Variants in GOLGA3 observed in about 807,000 individuals in gnomAD.
GOLGA3 encodes golgin A3.
In GOLGA3, 75 loss-of-function variants were observed where a neutral mutation model predicts 169.4. The ratio of observed to expected loss-of-function variants is 0.44; its 90% CI spans 0.37 to 0.54. GOLGA3 has a LOEUF of 0.54. Among genes scored for constraint, GOLGA3 ranks in the 20% least tolerant of loss-of-function variants. GOLGA3 has a pLI of 0.00. For missense variants in GOLGA3, 1,899 were observed against 1,930.0 expected (o/e 0.98, Z 0.30); for synonymous variants, 824 against 822.4 (o/e 1.00, Z -0.03).
rs1593218352 is a variant in GOLGA3, at chr12:132,774,470, C to T, written c.4144-150G>A. The T allele has an allele frequency of 6.7e-6, 5 of 749,802 alleles. No individual in the cohort carries two copies. In the South Asian group the frequency reaches 8.5e-5, roughly 13 times the overall value. 46.4% of individuals were successfully genotyped at this position (749,802 alleles called of 1,614,324 possible). ...TCCTGGCCGCCGTGGCAGCCCAGCA[C>T]GACAGTCCCCGGAGCTCCAGAATAG... is the stretch of plus-strand genomic sequence containing the variant. On this transcript the variant is annotated intron_variant, in intron 22 of 23. Coordinates refer to ENST00000450791, the MANE Select transcript of GOLGA3 (RefSeq NM_001389683.1).
chr12:132,780,677 G>A, intron 18 of GOLGA3, 121 bp downstream of exon 18: 1 of 698,620 alleles, frequency 1.4e-6, no homozygotes, highest in Non-Finnish European at 2.5e-6. Flanking sequence ...ACCAACAACT[G>A]CAACACACCT....
chr12:132,782,557 A>G (rs893408376), intron 16 of GOLGA3, 64 bp from the exon 17 acceptor site: 3 of 1,298,262 alleles, frequency 2.3e-6, no homozygotes, highest in African/African-American at 2.9e-5. Context: ...CATACCCCAG[A>G]AACAGGTGAG....
In GOLGA3 at chr12:132,777,826, T is replaced by C. The variant is rs758577107; in HGVS notation, c.3583-21A>G. On this transcript the variant is annotated intron_variant, in intron 18 of 23. Transcript: ENST00000450791. This position sits in a 1 kb window ranked among gnomAD's most constrained non-coding sequence, Gnocchi z 4.7. ...GCCACCTAGGAGGAAGGAAGCCACG[T>C]TGTCCATGCCCTGCGTGACACCCAC... is the stretch of plus-strand genomic sequence containing the variant. 13 of 1,612,618 alleles carry C rather than the reference T, an allele frequency of 8.1e-6. No individual in the cohort carries two copies. The highest frequency in any genetic ancestry group is 1.1e-5 in the Non-Finnish European group (13 of 1,179,546).
Position 132,780,854 on chromosome 12 carries a change from C to A in GOLGA3, c.3526G>T (p.Ala1176Ser), listed in dbSNP as rs143533125. The A allele has an allele frequency of 4.8e-5, 78 of 1,612,500 alleles. No homozygotes were observed. Among genetic ancestry groups the A allele is most frequent in the African/African-American group, 3.5e-4 (26 of 75,066 alleles). The change falls in exon 18 of 24, where the codon GCC (alanine) becomes TCC (serine). Residue 1176 changes from alanine to serine, a missense_variant. Coordinates refer to ENST00000450791, the MANE Select transcript of GOLGA3 (RefSeq NM_001389683.1). Reference protein sequence around the residue: ...EDRQMKHLVQALQASLEKEKE... With the variant: ...EDRQMKHLVQSLQASLEKEKE... ...TCCTTCTCTAGTGAGGCCTGCAGGG[C>A]CTGGACAAGATGCTTCATCTGGCGA...
Position 132,804,781 on chromosome 12 carries a change from T to C in GOLGA3, c.1532A>G (p.Gln511Arg), listed in dbSNP as rs1191827785. ...SNNDLQVAEE[Q>R]YQRLMAKVED... Reference sequence around the variant, plus strand: ...TACCTTGGCCATAAGCCTCTGGTACTGCTCCTCGGCCACCTGCAAGTCGTT... The same window carrying C: ...TACCTTGGCCATAAGCCTCTGGTACCGCTCCTCGGCCACCTGCAAGTCGTT... Residue 511 changes from glutamine (Q) to arginine (R), a missense_variant, in exon 7 of 24, where the codon CAG (glutamine) becomes CGG (arginine). Coordinates refer to ENST00000450791, the MANE Select transcript of GOLGA3 (RefSeq NM_001389683.1). This position sits in a 1 kb window ranked among gnomAD's most constrained non-coding sequence, Gnocchi z 4.1. 1 of 1,614,248 alleles carries C rather than the reference T, an allele frequency of 6.2e-7. No individual in the cohort carries two copies. The highest frequency in any genetic ancestry group is 8.5e-7 in the Non-Finnish European group (1 of 1,180,036).
At chr12:132,779,347 G>T (rs1485982114) in intron 18 of GOLGA3, among the ~76,000 whole-genome samples, 1 of 152,130 alleles carries the variant, frequency 6.6e-6, no homozygotes, top group Non-Finnish European at 1.5e-5. Context: ...CCAAAGTGCT[G>T]GGATTACAGG....
At chr12:132,794,764 A>G (rs528022121) in intron 11 of GOLGA3, among the ~76,000 whole-genome samples, 1 of 152,312 alleles carries the variant, frequency 6.6e-6, no homozygotes. Flanking sequence ...AACACTGTAA[A>G]CAGTAATGAC....
In GOLGA3 at chr12:132,805,196, G is replaced by A. The variant is rs535915442; in HGVS notation, c.1291-174C>T. 6.7e-5 allele frequency among the ~76,000 whole-genome samples: 9 copies of A among 135,012 alleles called. No individual in the cohort carries two copies. The East Asian group carries it at 2.1e-3, about 31-fold the overall frequency. The allele number at this position is 135,012 out of a possible 152,430, so 88.6% of individuals were successfully genotyped here. On this transcript the variant is annotated intron_variant, in intron 6 of 23. Coordinates refer to ENST00000450791, the MANE Select transcript of GOLGA3 (RefSeq NM_001389683.1). ...CCAAGACCCCCAGGCGCTCTCCCAA[G>A]GCCTGACAGGGGACCCCAAGACCCC...
chr12:132,802,384 T>TG (rs1392698423), intron 7 of GOLGA3, among the ~76,000 whole-genome samples: 1 of 21,396 alleles, frequency 4.7e-5, no homozygotes, highest in East Asian at 1.3e-3. Context: ...GCAGGGGGCA[T>TG]GGGGGGTGCA....
In GOLGA3 at chr12:132,772,654, A is replaced by C. The variant is rs1219488855; in HGVS notation, c.*451T>G. ...AAAACAAGTAAAAAGCCAAAGGTAC[A>C]GATAAAATTTCATTTCTGCGGAAAA... On this transcript the variant is annotated 3_prime_UTR_variant, in exon 24 of 24. Coordinates refer to ENST00000450791, the MANE Select transcript of GOLGA3 (RefSeq NM_001389683.1). 6.5e-6 allele frequency: 1 copy of C among 154,556 alleles called. No individual in the cohort carries two copies. The highest frequency in any genetic ancestry group is 1.9e-4 in the East Asian group (1 of 5,266). 9.6% of individuals were successfully genotyped at this position (154,556 alleles called of 1,614,324 possible).
At position 132,807,469 on chromosome 12, in the gene GOLGA3, T is replaced by G. The variant is rs117090298; in HGVS notation, c.1179-181A>C. 2.6e-5 allele frequency among the ~76,000 whole-genome samples: 4 copies of G among 152,314 alleles called. No homozygotes were observed. In the East Asian group the frequency reaches 7.7e-4, roughly 29 times the overall value. ...CACGGATGAACATTCCTGCCAACAG[T>G]TGGCACCTCACGCAGTGGGAACTGT... On this transcript the variant is annotated intron_variant, in intron 5 of 23. Transcript: ENST00000450791.
At position 132,772,558 on chromosome 12, in the gene GOLGA3, A is replaced by C. The variant is rs937109353; in HGVS notation, c.*547T>G. On this transcript the variant is annotated 3_prime_UTR_variant, in exon 24 of 24. Coordinates refer to ENST00000450791, the MANE Select transcript of GOLGA3 (RefSeq NM_001389683.1). ...GACTCTGTCTCAAAAAAAAAAAAAAAAAAAAAACAAAGATTGGATTATGAT... is the reference window on the plus strand; with the variant it reads ...GACTCTGTCTCAAAAAAAAAAAAAACAAAAAAACAAAGATTGGATTATGAT... 6.6e-6 allele frequency: 1 copy of C among 151,874 alleles called. No homozygotes were observed. Among genetic ancestry groups the C allele is most frequent in the East Asian group, 1.9e-4 (1 of 5,200 alleles). The allele number at this position is 151,874 out of a possible 1,614,324, so 9.4% of individuals were successfully genotyped here. A position where few individuals can be genotyped will look rare whatever the true frequency, so the allele number is the denominator to read the frequency against.
intron 5 of GOLGA3, among the ~76,000 whole-genome samples, chr12:132,807,506 G>A (rs550446783): frequency 6.6e-6 from 1 of 152,346 alleles, no homozygotes; most frequent in South Asian, 2.1e-4. Context: ...ACAGAAACAT[G>A]AGACATGCAA....
At chr12:132,825,951 G>A in intron 1 of GOLGA3, 2 of 951,026 alleles carry the variant, frequency 2.1e-6, no homozygotes, top group South Asian at 1.3e-5. Context: ...AAGACGCAGA[G>A]GACCACTGTC....
In GOLGA3 at chr12:132,804,442, C is replaced by T. The variant is rs10732710; in HGVS notation, c.1597+274G>A. Among the ~76,000 whole-genome samples, 105,563 of 152,106 alleles carry T rather than the reference C, an allele frequency of 0.69. 36,933 individuals carry two copies. The highest frequency in any genetic ancestry group is 0.8 in the East Asian group (4,149 of 5,176). On this transcript the variant is annotated intron_variant, in intron 7 of 23. Transcript: ENST00000450791. The surrounding 1 kb of genome is among the most constrained non-coding windows in gnomAD (Gnocchi z 4.1). ...GAAAAGCAGCCTCCTTATGTGTAAA[C>T]TATAAACCAATGCAACCCTCACAGG...
chr12:132,788,038 C>T (rs894023097), intron 13 of GOLGA3, among the ~76,000 whole-genome samples: 3 of 152,118 alleles, frequency 2.0e-5, no homozygotes, highest in Non-Finnish European at 4.4e-5. Flanking sequence ...CCACAACCAG[C>T]CCAGGCCTGC....
At chr12:132,819,295 T>C (rs1352526194) in intron 2 of GOLGA3, among the ~76,000 whole-genome samples, 12 of 150,014 alleles carry the variant, frequency 8.0e-5, no homozygotes, top group Admixed American at 7.3e-4. Flanking sequence ...TTTGGGAAGC[T>C]GAGGCAGGTG....
chr12:132,820,436 C>T (rs1001282362), intron 2 of GOLGA3, among the ~76,000 whole-genome samples: 2 of 152,218 alleles, frequency 1.3e-5, no homozygotes, highest in African/African-American at 4.8e-5. Flanking sequence ...AGCAGCAGAT[C>T]TAAGAGCAGG....
chr12:132,772,543 CAAAAAAAAAAAAAA>C lies in GOLGA3; in HGVS notation c.*548_*561del, dbSNP rs34381645. On this transcript the variant is annotated 3_prime_UTR_variant, in exon 24 of 24. Transcript: ENST00000450791. ...TGGGCAACAAAGCGAGACTCTGTCT[CAAAAAAAAAAAAAA>C]AAAAAAAACAAAGATTGGATTATGA... 1.2e-5 allele frequency: 1 copy of C among 86,162 alleles called. No individual in the cohort carries two copies. Among genetic ancestry groups the C allele is most frequent in the Admixed American group, 1.4e-4 (1 of 6,984 alleles). 5.3% of individuals were successfully genotyped at this position (86,162 alleles called of 1,614,324 possible).
Sources: allele counts gnomAD v4.1 joint callset (sites outside exome capture counted in the v4.1 genomes callset), GRCh38; gene constraint gnomAD v4.1.1; non-coding constraint Gnocchi (gnomAD v3.1); transcripts MANE v1.5; gene names NCBI Gene and HGNC (gene_info 2026-07-23, HGNC 2026-07-21).